BIN2: variants seen among roughly 807,000 people sequenced by gnomAD.
BIN2 encodes the protein breast cancer associated protein BRAP1.
In BIN2, 43 loss-of-function variants were observed where a neutral mutation model predicts 67.9. That is an observed-to-expected ratio of 0.63 (90% CI 0.50 to 0.82). The LOEUF (loss-of-function observed/expected upper bound fraction) is 0.82, where lower values mean the gene tolerates loss of function less well. BIN2 is among the 40% of genes least tolerant of loss of function. The pLI, the probability that BIN2 is intolerant of heterozygous loss-of-function variation, is 0.00. For synonymous variants in BIN2, 244 were observed against 246.8 expected (o/e 0.99, Z 0.11); for missense variants, 581 against 671.6 (o/e 0.87, Z 1.49).
chr12:51,320,972 CT>C (rs1946263922), intron 1 of BIN2, among the ~76,000 whole-genome samples: 3 of 151,326 alleles, frequency 2.0e-5, no homozygotes, highest in African/African-American at 7.3e-5. Flanking sequence ...CACACACACT[CT>C]AAAGCCAGCT....
At chr12:51,295,575 AAAATATATATATATATATATAT>A (rs1381187604) in intron 9 of BIN2, among the ~76,000 whole-genome samples, 199 bp downstream of exon 9, 3 of 18,272 alleles carry the variant, frequency 1.6e-4, no homozygotes, top group Non-Finnish European at 2.9e-4. Context: ...AAAAAAAAAA[AAAATATATATATATATATATAT>A]ATATATATAT....
At chr12:51,287,989 T>C (rs1420320055) in intron 11 of BIN2, 119 bp downstream of exon 11, 1 of 710,576 alleles carries the variant, frequency 1.4e-6, no homozygotes, top group East Asian at 2.9e-5. Context: ...GGGCCCTCAG[T>C]GCTTCATGTG....
At chr12:51,316,371 A>ATGTAATC (rs1341955647) in intron 1 of BIN2, among the ~76,000 whole-genome samples, 1 of 151,430 alleles carries the variant, frequency 6.6e-6, no homozygotes, top group East Asian at 1.9e-4. Flanking sequence ...TGGCAGACGC[A>ATGTAATC]TGTAATCCCA....
rs753917582 is a variant in BIN2 at position 51,281,094 on chromosome 12, C to A, written c.*405G>T. 15 of 181,002 alleles carry A rather than the reference C, an allele frequency of 8.3e-5. No individual in the cohort carries two copies. Among genetic ancestry groups the A allele is most frequent in the Non-Finnish European group, 1.5e-4 (13 of 85,982 alleles). 11.2% of individuals were successfully genotyped at this position (181,002 alleles called of 1,614,324 possible). ...AAAATGTGTTCTTCCGGCTTTAAGT[C>A]TTGCAAAATGGGTCGTAAGTCAAAG... On this transcript the variant is annotated 3_prime_UTR_variant, in exon 13 of 13. Transcript: ENST00000615107.
intron 2 of BIN2, among the ~76,000 whole-genome samples, chr12:51,305,491 G>A (rs1172924895): frequency 6.6e-6 from 1 of 151,410 alleles, no homozygotes; most frequent in African/African-American, 2.4e-5. Context: ...AGGCATGGTG[G>A]CACGCACCTG....
intron 2 of BIN2, among the ~76,000 whole-genome samples, chr12:51,311,635 C>T (rs1048183561): frequency 6.6e-6 from 1 of 152,046 alleles, no homozygotes; most frequent in African/African-American, 2.4e-5. Context: ...CCTGCTTTGG[C>T]CTCTCAAAGT....
intron 2 of BIN2, among the ~76,000 whole-genome samples, chr12:51,305,326 A>G (rs2137407902): frequency 6.6e-6 from 1 of 150,924 alleles, no homozygotes; most frequent in African/African-American, 2.4e-5. Flanking sequence ...ATAAATAAAA[A>G]TAAAAAATTA....
rs1312921915 is a variant in BIN2 at position 51,297,266 on chromosome 12, G to C, written c.603-102C>G. 4 of 1,167,146 alleles carry C rather than the reference G, an allele frequency of 3.4e-6. No individual in the cohort carries two copies. In the African/African-American group the frequency reaches 4.6e-5, roughly 13 times the overall value. 72.3% of individuals were successfully genotyped at this position (1,167,146 alleles called of 1,614,324 possible). On this transcript the variant is annotated intron_variant, in intron 7 of 12. Coordinates refer to ENST00000615107, the MANE Select transcript of BIN2 (RefSeq NM_016293.4). ...ACTTAAGCCAAAACCAGCCACCAAG[G>C]CTCCTAAATGAAAGCCATCCCGCTG... is the stretch of plus-strand genomic sequence containing the variant.
chr12:51,287,341 T>G (rs933389451), intron 11 of BIN2, among the ~76,000 whole-genome samples: 2 of 151,324 alleles, frequency 1.3e-5, no homozygotes, highest in African/African-American at 4.9e-5. Flanking sequence ...TTTTTTTGTT[T>G]TTTTTTTTGA....
upstream of BIN2, chr12:51,324,188 A>G: frequency 6.4e-7 from 1 of 1,552,408 alleles, no homozygotes; most frequent in Non-Finnish European, 8.7e-7. Context: ...GGCTCCCGGC[A>G]TGCCTCGCAT....
intron 11 of BIN2, 59 bp from the exon 12 acceptor site, chr12:51,284,846 T>C: frequency 4.1e-6 from 5 of 1,227,524 alleles, no homozygotes; most frequent in Non-Finnish European, 6.0e-6. Flanking sequence ...CCTCTCAGCA[T>C]AGAAGTGTCT....
intron 12 of BIN2, among the ~76,000 whole-genome samples, chr12:51,284,108 C>G (rs528529681): frequency 7.2e-5 from 11 of 152,208 alleles, no homozygotes; most frequent in Admixed American, 6.5e-4. Context: ...ACTCACCACT[C>G]ACTCACTGAC....
At chr12:51,287,825 G>A (rs1945277210) in intron 11 of BIN2, among the ~76,000 whole-genome samples, 1 of 151,188 alleles carries the variant, frequency 6.6e-6, no homozygotes, top group Non-Finnish European at 1.5e-5. Flanking sequence ...CTAATTTTTT[G>A]TATTTTTAGT....
intron 3 of BIN2, 91 bp from the exon 4 acceptor site, chr12:51,302,871 A>G: frequency 1.6e-6 from 2 of 1,253,910 alleles, no homozygotes; most frequent in Middle Eastern, 1.9e-4. Flanking sequence ...TCCAATTCAG[A>G]AGGACAAACT....
intron 1 of BIN2, among the ~76,000 whole-genome samples, chr12:51,315,982 C>T (rs563179189): frequency 6.6e-6 from 1 of 152,154 alleles, no homozygotes; most frequent in Non-Finnish European, 1.5e-5. Flanking sequence ...GTTAGAATCT[C>T]GGGAGTTGCC....
At chr12:51,317,145 G>C (rs1261570634) in intron 1 of BIN2, among the ~76,000 whole-genome samples, 3 of 151,940 alleles carry the variant, frequency 2.0e-5, no homozygotes, top group African/African-American at 7.3e-5. Flanking sequence ...CAAAGTGCTG[G>C]GATTACAGGT....
At chr12:51,285,199 T>G (rs2137337032) in intron 11 of BIN2, among the ~76,000 whole-genome samples, 1 of 152,300 alleles carries the variant, frequency 6.6e-6, no homozygotes, top group East Asian at 1.9e-4. Flanking sequence ...TGATCCTAAT[T>G]CATGACACGC....
chr12:51,314,336 A>G (rs971465988), intron 1 of BIN2, among the ~76,000 whole-genome samples: 1 of 151,880 alleles, frequency 6.6e-6, no homozygotes, highest in African/African-American at 2.4e-5. Context: ...GCGTGAGCCA[A>G]CATGCCTGGC....
At position 51,295,573 on chromosome 12, in the gene BIN2, AAAAAATATATATATATATATATATAT is replaced by A. The variant is rs1405577965; in HGVS notation, c.761+197_761+222del. Reference sequence around the variant, plus strand: ...GTGAGACTCCGTCTCAAAAAAAAAAAAAAAATATATATATATATATATATATATATATATATATATATATATATATA... The same window carrying A: ...GTGAGACTCCGTCTCAAAAAAAAAAAATATATATATATATATATATATATA... On this transcript the variant is annotated intron_variant, in intron 9 of 12. Coordinates refer to ENST00000615107, the MANE Select transcript of BIN2 (RefSeq NM_016293.4). 1.0e-4 allele frequency among the ~76,000 whole-genome samples: 4 copies of A among 39,706 alleles called. 1 individual carries two copies. Among genetic ancestry groups the A allele is most frequent in the African/African-American group, 7.6e-4 (4 of 5,278 alleles). 26.0% of individuals were successfully genotyped at this position (39,706 alleles called of 152,430 possible).
Sources: allele counts gnomAD v4.1 joint callset (sites outside exome capture counted in the v4.1 genomes callset), GRCh38; gene constraint gnomAD v4.1.1; transcripts MANE v1.5; gene names NCBI Gene and HGNC (gene_info 2026-07-23, HGNC 2026-07-21).